The following MYO15A variants were observed in gnomAD, a reference collection of about 807,000 sequenced individuals.
MYO15A encodes the protein myosin XVA, also known as unconventional myosin-XV.
MYO15A carries 308 observed loss-of-function variants against 394.6 expected under a neutral mutation model. The observed-to-expected ratio is 0.78, with a 90% CI of 0.71 to 0.86. The LOEUF (loss-of-function observed/expected upper bound fraction) is 0.86, where lower values mean the gene tolerates loss of function less well. MYO15A is among the 40% of genes least tolerant of loss of function. The pLI is 0.00. For synonymous variants in MYO15A, 1,957 were observed against 2,003.8 expected (o/e 0.98, Z 0.62); for missense variants, 4,606 against 4,799.1 (o/e 0.96, Z 1.19).
In MYO15A at chr17:18,119,465, C is replaced by T; in HGVS notation, c.665C>T (p.Ser222Leu). 2 of 1,612,736 alleles carry T rather than the reference C, an allele frequency of 1.2e-6. No homozygotes were observed. Among genetic ancestry groups the T allele is most frequent in the South Asian group, 1.1e-5 (1 of 91,076 alleles). ...APFHHSGSRK[S>L]LYGLEGFQDL... ...TTCCATCACTCGGGCTCCCGCAAGT[C>T]GCTGTACGGGCTTGAGGGCTTCCAG... is the stretch of plus-strand genomic sequence containing the variant. The change falls in exon 2 of 66, where the codon TCG becomes TTG. Residue 222 changes from serine to leucine, a missense_variant. Coordinates refer to ENST00000647165, the MANE Select transcript of MYO15A (RefSeq NM_016239.4).
Position 18,159,352 on chromosome 17 carries a change from G to C in MYO15A, c.9229+5G>C, listed in dbSNP as rs2046739885. 1.2e-6 allele frequency: 2 copies of C among 1,614,072 alleles called. No individual in the cohort carries two copies. Among genetic ancestry groups the C allele is most frequent in the Non-Finnish European group, 1.7e-6 (2 of 1,180,050 alleles). Reference sequence around the variant, plus strand: ...TGGCCACCGACATGTTCCTAGGTGTGGGAGTGGGACTGCAGCCAGGGCTCT... The same window carrying C: ...TGGCCACCGACATGTTCCTAGGTGTCGGAGTGGGACTGCAGCCAGGGCTCT... On this transcript the variant is annotated splice_donor_5th_base_variant and intron_variant, in intron 54 of 65. Coordinates refer to ENST00000647165, the MANE Select transcript of MYO15A (RefSeq NM_016239.4).
intron 60 of MYO15A, chr17:18,164,428 A>G (rs1026407553): frequency 1.2e-4 from 20 of 173,510 alleles, no homozygotes; most frequent in Admixed American, 1.1e-3. Context: ...GTCCTCAGCC[A>G]TGTGCCATCA....
rs763456237 is a variant in MYO15A, at chr17:18,133,340, T to C, written c.4436T>C (p.Leu1479Pro). 4 of 1,614,224 alleles carry C rather than the reference T, an allele frequency of 2.5e-6. No homozygotes were observed. Among genetic ancestry groups the C allele is most frequent in the Non-Finnish European group, 3.4e-6 (4 of 1,180,026 alleles). ...GACCAGGACAGCATCTTCCGCATCCTGGCCTCCATCCTGCACCTGGGCAAC... is the reference window on the plus strand; with the variant it reads ...GACCAGGACAGCATCTTCCGCATCCCGGCCTCCATCCTGCACCTGGGCAAC... ...SEDQDSIFRI[L>P]ASILHLGNVY... Residue 1479 changes from leucine (L) to proline (P), a missense_variant, in exon 12 of 66, where the codon CTG becomes CCG. Leu to Pro is a moderately conservative substitution (Grantham distance 98). This residue lies in a region of MYO15A where 2,776 missense variants were observed against 3,109.3 expected (regional missense o/e 0.89). Transcript: ENST00000647165.
chr17:18,148,336 G>T lies in MYO15A; in HGVS notation c.6691+126G>T. On this transcript the variant is annotated intron_variant, in intron 31 of 65. Transcript: ENST00000647165. This position sits in a 1 kb window ranked among gnomAD's most constrained non-coding sequence, Gnocchi z 4.8. ...GGGGCCTTCTCAGATGTGGCTCTGC[G>T]TGAAAGTCTGTGTGTGGGGGTGGGA... The T allele has an allele frequency of 6.8e-7, 1 of 1,470,254 alleles. No individual in the cohort carries two copies. Among genetic ancestry groups the T allele is most frequent in the Non-Finnish European group, 9.3e-7 (1 of 1,080,294 alleles). The allele number at this position is 1,470,254 out of a possible 1,614,324, so 91.1% of individuals were successfully genotyped here.
intron 4 of MYO15A, chr17:18,125,621 G>C: frequency 3.7e-6 from 1 of 272,074 alleles, no homozygotes; most frequent in Non-Finnish European, 7.1e-6. Flanking sequence ...GGAGAATGGC[G>C]TGAACCCCAG....
chr17:18,116,196 C>G (rs854815), intron 1 of MYO15A, among the ~76,000 whole-genome samples: 23,432 of 152,190 alleles, frequency 0.15, 2,432 homozygotes, highest in South Asian at 0.32. Context: ...ACTGGAGAGG[C>G]CTTGGTGCCT....
chr17:18,118,652 CCCACG>C lies in MYO15A; in HGVS notation c.-144_-140del. The C allele has an allele frequency of 8.0e-7, 1 of 1,245,784 alleles. No homozygotes were observed. Among genetic ancestry groups the C allele is most frequent in the South Asian group, 1.5e-5 (1 of 67,598 alleles). The allele number at this position is 1,245,784 out of a possible 1,614,324, so 77.2% of individuals were successfully genotyped here. A position where few individuals can be genotyped will look rare whatever the true frequency, so the allele number is the denominator to read the frequency against. On this transcript the variant is annotated 5_prime_UTR_variant, in exon 2 of 66. An upstream open reading frame in the 5' UTR loses its in-frame stop. Coordinates refer to ENST00000647165, the MANE Select transcript of MYO15A (RefSeq NM_016239.4). ...CTCCCGGAATCCTGGCTCGGCCCTC[CCCACG>C]CCACCCAGGGCCAGTCGGGTCTGCT... is the stretch of plus-strand genomic sequence containing the variant.
chr17:18,156,408 G>A (rs752971179), intron 48 of MYO15A, 72 bp downstream of exon 48: 570 of 1,524,910 alleles, frequency 3.7e-4, no homozygotes, highest in Non-Finnish European at 4.8e-4. Context: ...CTGTTCCAGG[G>A]AAATATGACT....
rs759046056 is a variant in MYO15A, at chr17:18,117,265, T to A, written c.-219-1317T>A. On this transcript the variant is annotated intron_variant, in intron 1 of 65. Transcript: ENST00000647165. The surrounding 1 kb of genome is among the most constrained non-coding windows in gnomAD (Gnocchi z 4.1). ...GAGGAAAGTGAAGAGCCAGAGAAAG[T>A]GAGCAGGGGGAAGAGGCAGACAGAG... 1.2e-4 allele frequency among the ~76,000 whole-genome samples: 18 copies of A among 152,038 alleles called. No individual in the cohort carries two copies. The highest frequency in any genetic ancestry group is 2.1e-4 in the Non-Finnish European group (14 of 68,016).
At chr17:18,134,092 C>T (rs142828537) in intron 12 of MYO15A, among the ~76,000 whole-genome samples, 1,999 of 152,122 alleles carry the variant, frequency 0.013, 32 homozygotes, top group African/African-American at 0.045. Context: ...CAGGTTCAAG[C>T]GATTCCCCTG....
At chr17:18,124,658 C>G (rs1597764179) in intron 3 of MYO15A, 93 bp downstream of exon 3, 3 of 1,203,922 alleles carry the variant, frequency 2.5e-6, no homozygotes. Flanking sequence ...TGCCTCTCAC[C>G]TCCCAGGACA....
At chr17:18,149,458 C>A (rs1233017153) in intron 34 of MYO15A, 28 bp from the exon 35 acceptor site, 1 of 1,614,154 alleles carries the variant, frequency 6.2e-7, no homozygotes, top group Non-Finnish European at 8.5e-7. Flanking sequence ...GAAAAAAGAA[C>A]TTGACATTTT....
rs373295633 is a variant in MYO15A, at chr17:18,166,385, G to A, written c.9812G>A (p.Arg3271His). The change falls in exon 61 of 66, where the codon CGC (arginine) becomes CAC (histidine). Residue 3271 changes from arginine (R) to histidine (H), a missense_variant. This residue lies in a region of MYO15A where 2,776 missense variants were observed against 3,109.3 expected (regional missense o/e 0.89). Transcript: ENST00000647165. ...NRGQHVCPLS[R>H]RAYILDVASE... ...GGCCAGCATGTGTGCCCACTCAGTC[G>A]CCGTGCTTACATCCTGGATGTGGCC... is the stretch of plus-strand genomic sequence containing the variant. The A allele has an allele frequency of 3.5e-5, 56 of 1,613,452 alleles. No individual in the cohort carries two copies. The highest frequency in any genetic ancestry group is 1.8e-4 in the South Asian group (16 of 91,086).
chr17:18,151,305 C>A lies in MYO15A; in HGVS notation c.7654+15C>A, dbSNP rs376452441. 7.2e-5 allele frequency: 117 copies of A among 1,614,178 alleles called. No homozygotes were observed. The highest frequency in any genetic ancestry group is 6.9e-4 in the African/African-American group (52 of 75,048). The stretch of plus-strand genomic sequence containing the variant: ...TCCAGAAACCAGTGAGTGCCCTATC[C>A]CAGCCTCTGGGGCTTCCCAGGACAG... On this transcript the variant is annotated intron_variant, in intron 39 of 65. Coordinates refer to ENST00000647165, the MANE Select transcript of MYO15A (RefSeq NM_016239.4).
At chr17:18,158,707 C>A in intron 52 of MYO15A, 69 bp downstream of exon 52, 1 of 1,558,870 alleles carries the variant, frequency 6.4e-7, no homozygotes, top group Non-Finnish European at 8.9e-7. Context: ...ATCCAAACTG[C>A]AGGCTGTCAG....
At chr17:18,161,487 C>T in intron 57 of MYO15A, 40 bp downstream of exon 57, 1 of 1,610,100 alleles carries the variant, frequency 6.2e-7, no homozygotes, top group Non-Finnish European at 8.5e-7. Flanking sequence ...CTGCATGCTT[C>T]TCCCTTGGGG....
chr17:18,119,702 C>T lies in MYO15A; in HGVS notation c.902C>T (p.Pro301Leu), dbSNP rs780470680. Residue 301 changes from proline to leucine, a missense_variant, in exon 2 of 66, where the codon CCG becomes CTG. Around this residue, in one of 2 missense-constraint regions of MYO15A, gnomAD observed 1,830 missense variants for 1,689.7 expected, o/e 1.08. Coordinates refer to ENST00000647165, the MANE Select transcript of MYO15A (RefSeq NM_016239.4). ...GACTATTACGGTGGCCCCTTTGATC[C>T]GGGGTACACCTACGGCTACGGCTAC... ...HPDYYGGPFDPGYTYGYGYDD... is the reference protein window; with the variant it reads ...HPDYYGGPFDLGYTYGYGYDD... 31 of 1,610,536 alleles carry T rather than the reference C, an allele frequency of 1.9e-5. No homozygotes were observed. Among genetic ancestry groups the T allele is most frequent in the African/African-American group, 6.7e-5 (5 of 74,892 alleles).
intron 29 of MYO15A, 58 bp downstream of exon 29, chr17:18,144,650 C>A: frequency 6.5e-7 from 1 of 1,536,768 alleles, no homozygotes. Context: ...TGAAACTGGG[C>A]CATGAGGCTC....
intron 2 of MYO15A, 43 bp downstream of exon 2, chr17:18,122,452 C>T (rs774549119): frequency 1.9e-6 from 3 of 1,589,612 alleles, no homozygotes; most frequent in African/African-American, 1.3e-5. Flanking sequence ...GGGTTCTGGC[C>T]TAGGAAACAG....
Sources: gnomAD v4.1 joint callset for allele counts (sites outside exome capture counted in the v4.1 genomes callset) on GRCh38, gnomAD v4.1.1 for gene constraint, gnomAD v4.1.1 regional missense constraint, Gnocchi (gnomAD v3.1) non-coding constraint, MANE v1.5 for transcripts, NCBI Gene and HGNC (gene_info 2026-07-23, HGNC 2026-07-21) for gene names.